Variants in USP30 observed in about 807,000 individuals in gnomAD.
The protein encoded by USP30 is ubiquitin carboxyl-terminal hydrolase 30.
Under a neutral mutation model 68.2 loss-of-function variants are expected in USP30, and 41 were observed. That is an observed-to-expected ratio of 0.60 (90% CI 0.47 to 0.78). The LOEUF (loss-of-function observed/expected upper bound fraction) is 0.78, where lower values mean the gene tolerates loss of function less well. USP30 is among the 30% of genes least tolerant of loss of function. The probability of loss-of-function intolerance (pLI) is 0.00; values close to 1 mark genes in which losing one functional copy is unlikely to be tolerated. For missense variants in USP30, 522 were observed against 649.4 expected (o/e 0.80, Z 2.13); for synonymous variants, 229 against 253.7 (o/e 0.90, Z 0.93).
In USP30 at chr12:109,082,708, A is replaced by C; in HGVS notation, c.913A>C (p.Arg305=). The change falls in exon 10 of 13, where the codon AGG becomes CGG. Residue 305 remains arginine, a synonymous_variant. Coordinates refer to ENST00000257548, the MANE Select transcript of USP30 (RefSeq NM_032663.5). The stretch of plus-strand genomic sequence containing the variant: ...GAACGGGGAAAAGGTGGAACACCAG[A>C]GGACCACTTTTGTTAAACAGTTAAA... ...TLNGEKVEHQ[R]TTFVKQLKLG... 6.2e-7 allele frequency: 1 copy of C among 1,614,214 alleles called. No homozygotes were observed. Among genetic ancestry groups the C allele is most frequent in the Non-Finnish European group, 8.5e-7 (1 of 1,180,024 alleles).
rs550496385 is a variant in USP30 at position 109,057,914 on chromosome 12, CT to C, written c.194-3del. The C allele has an allele frequency of 1.7e-4, 267 of 1,547,704 alleles. No individual in the cohort carries two copies. Among genetic ancestry groups the C allele is most frequent in the Admixed American group, 7.6e-4 (43 of 56,286 alleles). On this transcript the variant is annotated splice_polypyrimidine_tract_variant and intron_variant, in intron 2 of 12. Coordinates refer to ENST00000257548, the MANE Select transcript of USP30 (RefSeq NM_032663.5). ...ATATACTGTTCTCTTCTTCCCCCTGCTTTTTTTTTAGGGCTTGTGCCTGGCC... is the reference window on the plus strand; with the variant it reads ...ATATACTGTTCTCTTCTTCCCCCTGCTTTTTTTTAGGGCTTGTGCCTGGCC...
Position 109,029,209 on chromosome 12 carries a change from G to A in USP30, c.-136+1653G>A, listed in dbSNP as rs57753389. On this transcript the variant is annotated intron_variant, in intron 3 of 15. Transcript: ENST00000392784. ...TCCAGATGTCTAGCTCTGGACCTGCGGTCAGTGTAAGAATTAAAGAAAGAG... is the reference window on the plus strand; with the variant it reads ...TCCAGATGTCTAGCTCTGGACCTGCAGTCAGTGTAAGAATTAAAGAAAGAG... Among the ~76,000 whole-genome samples the A allele has an allele frequency of 4.3e-3, 658 of 152,242 alleles. 3 individuals are homozygous for A. Among genetic ancestry groups the A allele is most frequent in the African/African-American group, 0.015 (618 of 41,542 alleles).
intron 7 of USP30, among the ~76,000 whole-genome samples, chr12:109,081,027 A>C (rs1186036492): frequency 1.3e-5 from 2 of 152,236 alleles, no homozygotes; most frequent in African/African-American, 4.8e-5. Context: ...TGCTATTACA[A>C]ATAATGTTGA....
intron 3 of USP30, among the ~76,000 whole-genome samples, chr12:109,066,323 C>G (rs2041249043): frequency 6.7e-6 from 1 of 150,372 alleles, no homozygotes; most frequent in African/African-American, 2.4e-5. Context: ...AATCCTTGGT[C>G]TAGAAGTAAT....
At chr12:109,037,476 T>C in intron 3 of USP30, among the ~76,000 whole-genome samples, 1 of 152,234 alleles carries the variant, frequency 6.6e-6, no homozygotes, top group East Asian at 1.9e-4. Flanking sequence ...TTTTGTTTCT[T>C]CACATGTGTC....
chr12:109,076,630 A>G (rs2041616311), intron 7 of USP30, among the ~76,000 whole-genome samples: 1 of 151,906 alleles, frequency 6.6e-6, no homozygotes, highest in Non-Finnish European at 1.5e-5. Context: ...AATTTTTGTA[A>G]TGAATAGTGA....
Position 109,086,005 on chromosome 12 carries a change from G to C in USP30, c.*74G>C. The C allele has an allele frequency of 6.7e-7, 1 of 1,502,152 alleles. No homozygotes were observed. The highest frequency in any genetic ancestry group is 8.9e-7 in the Non-Finnish European group (1 of 1,122,096). The allele number at this position is 1,502,152 out of a possible 1,614,324, so 93.1% of individuals were successfully genotyped here. ...AGGAAAAAAGTAAAACTGTACTGTT[G>C]CGTGTGCAAGCGGCCCCACTAGAGC... On this transcript the variant is annotated 3_prime_UTR_variant, in exon 13 of 13. Transcript: ENST00000257548.
intron 9 of USP30, 58 bp from the exon 10 acceptor site, chr12:109,082,605 C>A: frequency 1.3e-6 from 2 of 1,556,352 alleles, no homozygotes; most frequent in Non-Finnish European, 8.8e-7. Context: ...TGGTCTGCAG[C>A]ACTCCAAAGC....
upstream of USP30, among the ~76,000 whole-genome samples, chr12:109,051,098 C>T (rs906501020): frequency 3.3e-5 from 5 of 151,940 alleles, no homozygotes; most frequent in African/African-American, 1.2e-4. Context: ...GCTATGTTGC[C>T]CAGGTGGCCT....
intron 11 of USP30, among the ~76,000 whole-genome samples, chr12:109,084,630 G>C (rs1246616972): frequency 6.6e-6 from 1 of 152,188 alleles, no homozygotes. Context: ...GAGAAACCTT[G>C]GTTTAGGTCA....
chr12:109,057,633 A>T (rs993241284), intron 2 of USP30, among the ~76,000 whole-genome samples: 1 of 152,250 alleles, frequency 6.6e-6, no homozygotes, highest in African/African-American at 2.4e-5. Flanking sequence ...GGAGATGGTT[A>T]CTAAGTGTTT....
Position 109,067,271 on chromosome 12 carries a change from G to A in USP30, c.377-253G>A, listed in dbSNP as rs561845549. Among the ~76,000 whole-genome samples, 569 of 127,366 alleles carry A rather than the reference G, an allele frequency of 4.5e-3. 1 individual carries two copies. Among genetic ancestry groups the A allele is most frequent in the Middle Eastern group, 7.7e-3 (2 of 260 alleles). The allele number at this position is 127,366 out of a possible 152,430, so 83.6% of individuals were successfully genotyped here. ...TGGGACTACAGGCACCCACCACCAC[G>A]CCCGGCTAATTTTTTTTTTTTATTT... On this transcript the variant is annotated intron_variant, in intron 3 of 12. Transcript: ENST00000257548.
intron 1 of USP30, among the ~76,000 whole-genome samples, chr12:109,053,164 C>T (rs2040726477): frequency 6.6e-6 from 1 of 152,106 alleles, no homozygotes; most frequent in Non-Finnish European, 1.5e-5. Context: ...AGTTTCTGGA[C>T]TGCCAGGGTT....
chr12:109,045,210 C>G (rs889458644), intron 3 of USP30, among the ~76,000 whole-genome samples: 1 of 152,132 alleles, frequency 6.6e-6, no homozygotes, highest in Non-Finnish European at 1.5e-5. Flanking sequence ...AATTCCTGAC[C>G]TCGGGTGATC....
At chr12:109,033,672 G>T in intron 3 of USP30, among the ~76,000 whole-genome samples, 1 of 152,158 alleles carries the variant, frequency 6.6e-6, no homozygotes, top group East Asian at 1.9e-4. Context: ...TCCCTAGTCT[G>T]CTAGCCATGC....
intron 3 of USP30, among the ~76,000 whole-genome samples, chr12:109,063,003 C>G (rs1243923007): frequency 6.6e-6 from 1 of 152,130 alleles, no homozygotes; most frequent in African/African-American, 2.4e-5. Context: ...TAATATTCAC[C>G]CTTTTGTAAC....
Position 109,070,904 on chromosome 12 carries a change from A to G in USP30, c.481-708A>G, listed in dbSNP as rs2041418842. 6.6e-6 allele frequency among the ~76,000 whole-genome samples: 1 copy of G among 152,372 alleles called. No individual in the cohort carries two copies. Among genetic ancestry groups the G allele is most frequent in the African/African-American group, 2.4e-5 (1 of 41,588 alleles). ...CAACCCAAGTGTTCATCGGCTGATA[A>G]ATAGGTAAACAAAACTTTCATACAA... On this transcript the variant is annotated intron_variant, in intron 4 of 12. Coordinates refer to ENST00000257548, the MANE Select transcript of USP30 (RefSeq NM_032663.5). The surrounding 1 kb of genome is among the most constrained non-coding windows in gnomAD (Gnocchi z 4.0).
chr12:109,025,763 A>T (rs1264343040), intron 2 of USP30, among the ~76,000 whole-genome samples: 1 of 151,240 alleles, frequency 6.6e-6, no homozygotes, highest in Non-Finnish European at 1.5e-5. Flanking sequence ...CCTGGACAGT[A>T]ATCCTCCTGC....
intron 11 of USP30, 94 bp downstream of exon 11, chr12:109,083,156 C>A: frequency 7.8e-7 from 1 of 1,275,724 alleles, no homozygotes; most frequent in Non-Finnish European, 1.1e-6. Context: ...ATGACAGGAG[C>A]ACAAGGCTTG....
Sources: allele counts gnomAD v4.1 joint callset (sites outside exome capture counted in the v4.1 genomes callset), GRCh38; gene constraint gnomAD v4.1.1; non-coding constraint Gnocchi (gnomAD v3.1); transcripts MANE v1.5; gene names NCBI Gene and HGNC (gene_info 2026-07-23, HGNC 2026-07-21).